VDAC1: variants seen among roughly 807,000 people sequenced by gnomAD.
The protein encoded by VDAC1 is non-selective voltage-gated ion channel VDAC1.
A neutral mutation model predicts 34.7 loss-of-function variants in VDAC1; 10 were observed. The ratio of observed to expected loss-of-function variants is 0.29; its 90% CI spans 0.18 to 0.49. The LOEUF (loss-of-function observed/expected upper bound fraction) is 0.49. Ranked by LOEUF, VDAC1 falls within the 20% of genes least tolerant of loss-of-function variation. VDAC1 has a pLI of 0.99. For missense variants in VDAC1, 230 were observed against 347.9 expected (o/e 0.66, Z 2.69); for synonymous variants, 130 against 136.0 (o/e 0.96, Z 0.30).
chr5:134,039,392 A>C, the VDAC1 span, among the ~76,000 whole-genome samples: 3 of 152,038 alleles, frequency 2.0e-5, no homozygotes, highest in African/African-American at 4.8e-5. Context: ...GCAGTGGCGC[A>C]ATCTCGGCTC....
the VDAC1 span, among the ~76,000 whole-genome samples, chr5:134,041,064 G>T: frequency 1.3e-5 from 2 of 152,194 alleles, no homozygotes; most frequent in Admixed American, 6.5e-5. Context: ...TTGGGATCCA[G>T]TTCAGTTGTT....
chr5:134,094,950 C>T, the VDAC1 span, among the ~76,000 whole-genome samples: 1 of 152,198 alleles, frequency 6.6e-6, no homozygotes, highest in African/African-American at 2.4e-5. Flanking sequence ...CTGAGTTTCC[C>T]ACGTACATGC....
intron 1 of VDAC1, among the ~76,000 whole-genome samples, chr5:133,993,583 C>A (rs1006353861): frequency 6.6e-6 from 1 of 152,180 alleles, no homozygotes; most frequent in East Asian, 1.9e-4. Flanking sequence ...TTATGGGAAC[C>A]CACTTCATAT....
At chr5:134,009,541 G>A (rs1011543388), upstream of VDAC1, among the ~76,000 whole-genome samples, 1 of 151,996 alleles carries the variant, frequency 6.6e-6, no homozygotes, top group Non-Finnish European at 1.5e-5. Context: ...ACAGGTGTGA[G>A]CCACTGCACC....
the VDAC1 span, among the ~76,000 whole-genome samples, chr5:134,010,174 G>A: frequency 6.6e-6 from 1 of 152,172 alleles, no homozygotes; most frequent in Non-Finnish European, 1.5e-5. Flanking sequence ...CCCACGCTAA[G>A]ACCATCATTG....
At chr5:134,030,892 C>T in the VDAC1 span, among the ~76,000 whole-genome samples, 1 of 152,050 alleles carries the variant, frequency 6.6e-6, no homozygotes, top group Non-Finnish European at 1.5e-5. Context: ...GGATTACAGC[C>T]GTGAGCCACT....
At chr5:133,986,309 C>T (rs903581285) in intron 5 of VDAC1, among the ~76,000 whole-genome samples, 1 of 152,168 alleles carries the variant, frequency 6.6e-6, no homozygotes, top group Non-Finnish European at 1.5e-5. Context: ...CTTTGGAAAG[C>T]CAGCTTTCGT....
the VDAC1 span, among the ~76,000 whole-genome samples, chr5:134,104,336 G>A: frequency 2.0e-5 from 3 of 152,346 alleles, no homozygotes; most frequent in Middle Eastern, 6.8e-3. Flanking sequence ...GGGTGCTGGC[G>A]GCTGCCCACA....
At chr5:134,035,767 G>C in the VDAC1 span, among the ~76,000 whole-genome samples, 1 of 152,170 alleles carries the variant, frequency 6.6e-6, no homozygotes, top group Non-Finnish European at 1.5e-5. Context: ...AGCACTTTGG[G>C]AGGCTGAAGC....
At chr5:134,074,353 TAAAA>T in the VDAC1 span, among the ~76,000 whole-genome samples, 11 of 132,630 alleles carry the variant, frequency 8.3e-5, no homozygotes, top group South Asian at 4.8e-4. Context: ...AATAAATAAA[TAAAA>T]GCTTTGAAAT....
chr5:134,085,722 T>TAAAAAAA, the VDAC1 span, among the ~76,000 whole-genome samples: 93 of 44,244 alleles, frequency 2.1e-3, 20 homozygotes, highest in East Asian at 0.031. Context: ...ACCCCATTTC[T>TAAAAAAA]AAAAAAAAAA....
chr5:133,993,893 A>G (rs889365277), intron 1 of VDAC1, among the ~76,000 whole-genome samples: 1 of 152,306 alleles, frequency 6.6e-6, no homozygotes, highest in African/African-American at 2.4e-5. Context: ...CTGTGTACAC[A>G]GGATTAATAT....
At chr5:133,990,289 G>A (rs1387311445) in intron 5 of VDAC1, among the ~76,000 whole-genome samples, 2 of 152,158 alleles carry the variant, frequency 1.3e-5, no homozygotes, top group South Asian at 4.1e-4. Context: ...CTGGGAGAAG[G>A]ACTTCCATGC....
At chr5:133,978,307 T>A (rs1466008905) in intron 6 of VDAC1, among the ~76,000 whole-genome samples, 4 of 152,046 alleles carry the variant, frequency 2.6e-5, no homozygotes, top group Admixed American at 1.3e-4. Context: ...AGCTAATTTT[T>A]AAAAAATTTC....
chr5:134,045,976 A>G, the VDAC1 span, among the ~76,000 whole-genome samples: 5 of 132,776 alleles, frequency 3.8e-5, no homozygotes, highest in Non-Finnish European at 8.1e-5. Flanking sequence ...TGAGCCACTG[A>G]CCCCGGCAAT....
chr5:134,021,958 A>G, the VDAC1 span, among the ~76,000 whole-genome samples: 2 of 151,112 alleles, frequency 1.3e-5, no homozygotes, highest in African/African-American at 4.9e-5. Context: ...GCTCACTGCA[A>G]CCTCTGCCTC....
the VDAC1 span, among the ~76,000 whole-genome samples, chr5:134,050,553 A>G: frequency 6.6e-6 from 1 of 152,164 alleles, no homozygotes; most frequent in African/African-American, 2.4e-5. Flanking sequence ...ATGTCTTCCT[A>G]AATTACAGGG....
At chr5:134,060,998 G>A in the VDAC1 span, among the ~76,000 whole-genome samples, 5 of 145,636 alleles carry the variant, frequency 3.4e-5, no homozygotes, top group South Asian at 4.4e-4. Flanking sequence ...TCAGCTTCCC[G>A]AGTAGCTGGG....
the VDAC1 span, among the ~76,000 whole-genome samples, chr5:134,079,771 C>T: frequency 6.6e-6 from 1 of 152,208 alleles, no homozygotes; most frequent in Non-Finnish European, 1.5e-5. Flanking sequence ...AGGTGAGTTG[C>T]TTTTGGCGGA....
Sources: allele counts gnomAD v4.1 joint callset (sites outside exome capture counted in the v4.1 genomes callset), GRCh38; gene constraint gnomAD v4.1.1; transcripts MANE v1.5; gene names NCBI Gene and HGNC (gene_info 2026-07-23, HGNC 2026-07-21).